Variants in ZFAT observed in about 807,000 individuals in gnomAD.
ZFAT encodes the protein zinc finger protein ZFAT.
Under a neutral mutation model 117.7 loss-of-function variants are expected in ZFAT, and 64 were observed. The observed-to-expected ratio is 0.54, with a 90% CI of 0.44 to 0.67. The LOEUF (loss-of-function observed/expected upper bound fraction) is 0.67. ZFAT is among the 30% of genes least tolerant of loss of function. The pLI is 0.00. For missense variants in ZFAT, 1,433 were observed against 1,584.5 expected, an observed-to-expected ratio of 0.90 and a Z score of 1.62; for synonymous variants, 679 against 615.0, an observed-to-expected ratio of 1.10 and a Z score of -1.54.
chr8:134,535,713 A>T (rs1213064830), intron 11 of ZFAT, among the ~76,000 whole-genome samples: 1 of 152,064 alleles, frequency 6.6e-6, no homozygotes, highest in African/African-American at 2.4e-5. Context: ...CCTGGAACAA[A>T]GGCAAAATTT....
At chr8:134,631,717 G>A (rs1829905444) in intron 3 of ZFAT, among the ~76,000 whole-genome samples, 1 of 152,160 alleles carries the variant, frequency 6.6e-6, no homozygotes. Flanking sequence ...CTGGTGGTGA[G>A]CACAGGCCAT....
At chr8:134,517,308 A>T (rs911648558) in intron 13 of ZFAT, among the ~76,000 whole-genome samples, 1 of 151,904 alleles carries the variant, frequency 6.6e-6, no homozygotes, top group African/African-American at 2.4e-5. Context: ...ATATATAATC[A>T]GAGTCAAATC....
intron 1 of ZFAT, among the ~76,000 whole-genome samples, chr8:134,707,692 C>T (rs1834188047): frequency 6.6e-6 from 1 of 152,216 alleles, no homozygotes; most frequent in African/African-American, 2.4e-5. Flanking sequence ...TGGGATGCTG[C>T]CCCTTTCTTA....
chr8:134,584,085 TCC>T, intron 9 of ZFAT, 80 bp from the exon 10 acceptor site: 1 of 1,378,328 alleles, frequency 7.3e-7, no homozygotes, highest in Non-Finnish European at 9.8e-7. Context: ...AATATATATA[TCC>T]ATATCTAAAT....
intron 3 of ZFAT, among the ~76,000 whole-genome samples, chr8:134,614,050 C>T (rs1448329674): frequency 2.0e-5 from 3 of 152,170 alleles, no homozygotes; most frequent in Admixed American, 1.3e-4. Flanking sequence ...ACACACTCTC[C>T]GAACCATCCT....
At chr8:134,596,596 G>A (rs772091752) in intron 7 of ZFAT, among the ~76,000 whole-genome samples, 37 of 152,112 alleles carry the variant, frequency 2.4e-4, no homozygotes, top group Non-Finnish European at 7.4e-5. Context: ...ATTGAATCCT[G>A]TGGATTTAAA....
At chr8:134,532,797 A>T in intron 12 of ZFAT, 37 bp downstream of exon 12, 3 of 1,602,890 alleles carry the variant, frequency 1.9e-6, no homozygotes, top group Non-Finnish European at 2.5e-6. Flanking sequence ...CCTAAAAGGA[A>T]GCGGGCAGGG....
At chr8:134,533,563 C>T (rs138001239) in intron 11 of ZFAT, among the ~76,000 whole-genome samples, 9 of 152,240 alleles carry the variant, frequency 5.9e-5, no homozygotes, top group South Asian at 4.1e-4. Flanking sequence ...TTCAGTGATG[C>T]GTCACTGTAT....
At chr8:134,730,337 G>A in the ZFAT span, among the ~76,000 whole-genome samples, 9 of 152,148 alleles carry the variant, frequency 5.9e-5, no homozygotes, top group East Asian at 1.9e-4. Context: ...CATGACTCTC[G>A]CCTTTTAAAG....
intron 3 of ZFAT, among the ~76,000 whole-genome samples, chr8:134,627,754 G>C (rs1407891667): frequency 6.6e-6 from 1 of 152,250 alleles, no homozygotes; most frequent in Non-Finnish European, 1.5e-5. Flanking sequence ...CACTTGCTGT[G>C]TGCCCGGCAC....
intron 2 of ZFAT, among the ~76,000 whole-genome samples, chr8:134,650,054 T>C (rs1831143471): frequency 6.6e-6 from 1 of 152,200 alleles, no homozygotes; most frequent in African/African-American, 2.4e-5. Flanking sequence ...ACCATGACTG[T>C]AAGTTTCCTG....
chr8:134,756,591 G>A, the ZFAT span, among the ~76,000 whole-genome samples: 1 of 152,210 alleles, frequency 6.6e-6, no homozygotes, highest in Non-Finnish European at 1.5e-5. Flanking sequence ...CTGTCCTCCA[G>A]ATGCTGGGCA....
At chr8:134,504,047 C>T (rs1016610267) in intron 15 of ZFAT, among the ~76,000 whole-genome samples, 1 of 152,190 alleles carries the variant, frequency 6.6e-6, no homozygotes, top group Non-Finnish European at 1.5e-5. Context: ...GTGGCCGAGT[C>T]ACAGAGAAGC....
chr8:134,645,706 G>A (rs1830847104), intron 2 of ZFAT, among the ~76,000 whole-genome samples: 2 of 152,232 alleles, frequency 1.3e-5, no homozygotes, highest in South Asian at 4.1e-4. Context: ...ACTCCTCTGA[G>A]TCTCTAAGCC....
intron 2 of ZFAT, among the ~76,000 whole-genome samples, chr8:134,644,841 ACT>A (rs1217637257): frequency 6.6e-6 from 1 of 152,114 alleles, no homozygotes. Context: ...ACACGTGCAC[ACT>A]CACACACCAT....
intron 1 of ZFAT, among the ~76,000 whole-genome samples, chr8:134,672,521 C>G (rs892423431): frequency 2.0e-5 from 3 of 151,860 alleles, no homozygotes; most frequent in Non-Finnish European, 4.4e-5. Context: ...CAAACCTGCA[C>G]GTTGTGCACA....
chr8:134,564,462 G>A (rs1397575082), intron 11 of ZFAT, among the ~76,000 whole-genome samples: 1 of 152,216 alleles, frequency 6.6e-6, no homozygotes, highest in Non-Finnish European at 1.5e-5. Context: ...TATCAGGACA[G>A]TTTGGGGCAC....
chr8:134,776,643 C>G, the ZFAT span, among the ~76,000 whole-genome samples: 1 of 152,180 alleles, frequency 6.6e-6, no homozygotes, highest in Non-Finnish European at 1.5e-5. Flanking sequence ...AGCTGATGGG[C>G]TTTTGTAGCA....
At chr8:134,668,814 G>C (rs999625837) in intron 1 of ZFAT, among the ~76,000 whole-genome samples, 2 of 152,180 alleles carry the variant, frequency 1.3e-5, no homozygotes, top group Non-Finnish European at 2.9e-5. Context: ...CAAGCTAAAG[G>C]AGGAAGTTCA....
Sources: allele counts gnomAD v4.1 joint callset (sites outside exome capture counted in the v4.1 genomes callset), GRCh38; gene constraint gnomAD v4.1.1; transcripts MANE v1.5; gene names NCBI Gene and HGNC (gene_info 2026-07-23, HGNC 2026-07-21).